CCDC157: variants seen among roughly 807,000 people sequenced by gnomAD.
CCDC157 encodes coiled-coil domain-containing protein 157.
In CCDC157, 60 loss-of-function variants were observed where a neutral mutation model predicts 70.9. That is an observed-to-expected ratio of 0.85 (90% CI 0.69 to 1.05). The LOEUF (loss-of-function observed/expected upper bound fraction) is 1.05, where lower values mean the gene tolerates loss of function less well. Among genes scored for constraint, CCDC157 ranks in the 50% least tolerant of loss-of-function variants. The probability of loss-of-function intolerance (pLI) is 0.00; values close to 1 mark genes in which losing one functional copy is unlikely to be tolerated. For missense variants in CCDC157, 943 were observed against 984.2 expected, an observed-to-expected ratio of 0.96 and a Z score of 0.56; for synonymous variants, 373 against 422.4, an observed-to-expected ratio of 0.88 and a Z score of 1.43.
Position 30,377,999 on chromosome 22 carries a change from C to T in CCDC157, c.*1254C>T, listed in dbSNP as rs1933444547. On this transcript the variant is annotated 3_prime_UTR_variant, in exon 12 of 12. Coordinates refer to ENST00000338306, the MANE Select transcript of CCDC157 (RefSeq NM_001017437.5). Reference sequence around the variant, plus strand: ...TCTGCCGGTTCTGGGGAAGAATTGGCTTCCAAGCTCCACTTGTTGGCAGAA... The same window carrying T: ...TCTGCCGGTTCTGGGGAAGAATTGGTTTCCAAGCTCCACTTGTTGGCAGAA... 2.5e-6 allele frequency: 1 copy of T among 405,650 alleles called. No homozygotes were observed. The highest frequency in any genetic ancestry group is 2.1e-5 in the African/African-American group (1 of 47,950). The allele number at this position is 405,650 out of a possible 1,614,324, so 25.1% of individuals were successfully genotyped here. A position where few individuals can be genotyped will look rare whatever the true frequency, so the allele number is the denominator to read the frequency against.
At chr22:30,372,728 C>G in intron 7 of CCDC157, 2 of 164,932 alleles carry the variant, frequency 1.2e-5, no homozygotes. Flanking sequence ...CATAGCTGTG[C>G]TCTGGGCAAT....
Position 30,374,119 on chromosome 22 carries a change from C to T in CCDC157, c.1672+28C>T. On this transcript the variant is annotated intron_variant, in intron 9 of 11. Transcript: ENST00000338306. ...AGGGGACTGGGGATGGTGCCAAGGG[C>T]ATGCTGGGGCTCAGGGCCAGCAGCT... is the stretch of plus-strand genomic sequence containing the variant. The T allele has an allele frequency of 1.9e-6, 3 of 1,566,150 alleles. 1 individual carries two copies. Among genetic ancestry groups the T allele is most frequent in the South Asian group, 2.3e-5 (2 of 85,410 alleles).
At chr22:30,370,247 G>GA in intron 4 of CCDC157, 79 bp from the exon 5 acceptor site, 1 of 1,506,908 alleles carries the variant, frequency 6.6e-7, no homozygotes. Flanking sequence ...CACTGTCACA[G>GA]AACATCCCCC....
In CCDC157 at chr22:30,373,703, G is replaced by A. The variant is rs368589292; in HGVS notation, c.1442G>A (p.Arg481His). 4.1e-5 allele frequency: 63 copies of A among 1,552,914 alleles called. No homozygotes were observed. Among genetic ancestry groups the A allele is most frequent in the East Asian group, 7.2e-5 (3 of 41,402 alleles). ...GACGAGGCTGAGGCCCAGCGGGCCC[G>A]CGTGGAGGAGCAGCTGCAGAGCGAG... is the stretch of plus-strand genomic sequence containing the variant. Reference protein sequence around the residue: ...SLDEAEAQRARVEEQLQSERE... With the variant: ...SLDEAEAQRAHVEEQLQSERE... Residue 481 changes from arginine (R) to histidine (H), a missense_variant, in exon 8 of 12, where the codon CGC becomes CAC. Physicochemically the swap from Arg to His is conservative, Grantham distance 29 (BLOSUM62 0). Coordinates refer to ENST00000338306, the MANE Select transcript of CCDC157 (RefSeq NM_001017437.5).
intron 3 of CCDC157, among the ~76,000 whole-genome samples, chr22:30,368,253 C>T (rs538422700): frequency 6.6e-6 from 1 of 152,338 alleles, no homozygotes; most frequent in South Asian, 2.1e-4. Flanking sequence ...GCACAGAACA[C>T]ACCTTCCTTT....
chr22:30,361,072 A>G (rs1236819489), intron 1 of CCDC157, among the ~76,000 whole-genome samples: 1 of 151,772 alleles, frequency 6.6e-6, no homozygotes, highest in Non-Finnish European at 1.5e-5. Context: ...ACAATTAAAA[A>G]TTTAAAAAAT....
chr22:30,367,974 C>T (rs1932789917), intron 3 of CCDC157, among the ~76,000 whole-genome samples: 1 of 152,178 alleles, frequency 6.6e-6, no homozygotes, highest in African/African-American at 2.4e-5. Context: ...TTGCTTGAAC[C>T]TAAGAAGCGG....
intron 7 of CCDC157, 38 bp downstream of exon 7, chr22:30,372,324 T>C: frequency 2.7e-6 from 4 of 1,481,790 alleles, no homozygotes; most frequent in Middle Eastern, 1.9e-4. Flanking sequence ...GCATCTGCAA[T>C]GTAGGCTGCA....
In CCDC157 at chr22:30,373,502, C is replaced by T. The variant is rs941097985; in HGVS notation, c.1336-95C>T. On this transcript the variant is annotated intron_variant, in intron 7 of 11. Coordinates refer to ENST00000338306, the MANE Select transcript of CCDC157 (RefSeq NM_001017437.5). ...ACACACACCCCAGGGGGGTAGCAGC[C>T]GAGGGGTAGTAGATGCTGTAGCCTC... 9 of 1,369,544 alleles carry T rather than the reference C, an allele frequency of 6.6e-6. 1 individual carries two copies. The highest frequency in any genetic ancestry group is 3.9e-5 in the South Asian group (3 of 76,702). 84.8% of individuals were successfully genotyped at this position (1,369,544 alleles called of 1,614,324 possible).
At chr22:30,365,585 G>A (rs966595963) in intron 2 of CCDC157, among the ~76,000 whole-genome samples, 1 of 152,146 alleles carries the variant, frequency 6.6e-6, no homozygotes, top group Non-Finnish European at 1.5e-5. Context: ...CAGTGGCCTG[G>A]TGTGGCCCAA....
At chr22:30,375,281 G>A (rs1169201927) in intron 9 of CCDC157, 198 bp from the exon 10 acceptor site, 12 of 564,992 alleles carry the variant, frequency 2.1e-5, no homozygotes, top group South Asian at 1.1e-4. Context: ...GAGAGCTCTA[G>A]GTCCCACCCA....
At chr22:30,365,877 T>A in intron 2 of CCDC157, 113 bp from the exon 3 acceptor site, 1 of 1,041,426 alleles carries the variant, frequency 9.6e-7, no homozygotes, top group Non-Finnish European at 1.4e-6. Context: ...CTCCCCAGGG[T>A]CTGGGGTGAA....
At chr22:30,371,915 C>T (rs555237613) in intron 6 of CCDC157, 160 bp from the exon 7 acceptor site, 24 of 733,684 alleles carry the variant, frequency 3.3e-5, no homozygotes, top group East Asian at 1.6e-4. Flanking sequence ...ACCGAGAAAG[C>T]GCCTTCTATT....
At chr22:30,373,044 G>A (rs1419809535) in intron 7 of CCDC157, 1 of 155,052 alleles carries the variant, frequency 6.4e-6, no homozygotes, top group Non-Finnish European at 1.4e-5. Context: ...TACAGCAACA[G>A]GAGGTAGATA....
At chr22:30,356,722 A>G (rs1931878902), upstream of CCDC157, 3 of 1,483,802 alleles carry the variant, frequency 2.0e-6, no homozygotes, top group East Asian at 2.8e-5. Context: ...GGGGCGGGGG[A>G]GAGGTACCTG....
chr22:30,365,483 G>A (rs561829298), intron 2 of CCDC157, among the ~76,000 whole-genome samples: 123 of 152,160 alleles, frequency 8.1e-4, no homozygotes, highest in African/African-American at 2.8e-3. Flanking sequence ...ATAGAGTTTC[G>A]TCCAAATCTC....
chr22:30,375,008 G>C, intron 9 of CCDC157: 2 of 334,706 alleles, frequency 6.0e-6, no homozygotes, highest in South Asian at 4.7e-5. Context: ...TGCCAGGCTG[G>C]AGTGCAGTGG....
chr22:30,359,475 C>T (rs1932180628), intron 1 of CCDC157, among the ~76,000 whole-genome samples: 1 of 152,182 alleles, frequency 6.6e-6, no homozygotes, highest in African/African-American at 2.4e-5. Context: ...CTCCTTGTGC[C>T]CTGCTGTGTT....
In CCDC157 at chr22:30,369,484, G is replaced by C; in HGVS notation, c.301G>C (p.Glu101Gln). 6.3e-7 allele frequency: 1 copy of C among 1,593,370 alleles called. No homozygotes were observed. Among genetic ancestry groups the C allele is most frequent in the East Asian group, 2.3e-5 (1 of 43,240 alleles). ...CMSYLENLGSEQMMPPAQAAG... is the reference protein window; with the variant it reads ...CMSYLENLGSQQMMPPAQAAG... ...GAGCTACTTGGAGAACCTTGGCTCA[G>C]AGCAGATGATGCCCCCTGCACAGGC... The change falls in exon 4 of 12, where the codon GAG becomes CAG. Residue 101 changes from glutamate to glutamine, a missense_variant. Coordinates refer to ENST00000338306, the MANE Select transcript of CCDC157 (RefSeq NM_001017437.5).
Sources: allele counts gnomAD v4.1 joint callset (sites outside exome capture counted in the v4.1 genomes callset), GRCh38; gene constraint gnomAD v4.1.1; transcripts MANE v1.5; gene names NCBI Gene and HGNC (gene_info 2026-07-23, HGNC 2026-07-21).